The following CUL7 variants were observed in gnomAD, a reference collection of about 807,000 sequenced individuals.
CUL7 encodes cullin-7.
Under a neutral mutation model 177.7 loss-of-function variants are expected in CUL7, and 96 were observed. The observed-to-expected ratio is 0.54, with a 90% CI of 0.46 to 0.64. The LOEUF (loss-of-function observed/expected upper bound fraction) is 0.64, where lower values mean the gene tolerates loss of function less well. CUL7 is among the 30% of genes least tolerant of loss of function. The probability of loss-of-function intolerance (pLI) is 0.00; values close to 1 mark genes in which losing one functional copy is unlikely to be tolerated. For synonymous variants in CUL7, 824 were observed against 890.2 expected, an observed-to-expected ratio of 0.93 and a Z score of 1.32; for missense variants, 1,893 against 2,187.9, an observed-to-expected ratio of 0.87 and a Z score of 2.69.
At chr6:43,039,911 G>A (rs1411739263) in intron 22 of CUL7, among the ~76,000 whole-genome samples, 9 of 151,944 alleles carry the variant, frequency 5.9e-5, no homozygotes, top group Non-Finnish European at 1.3e-4. Context: ...GCTAATTTCT[G>A]TATTTTTAGC....
rs1763962983 is a variant in CUL7 at position 43,046,905 on chromosome 6, GTGA to G, written c.2369_2371del (p.Ile790del). ...CTGGATGCAGCCTCCCAGGATGTTG[GTGA>G]TGAGTTTGCGGTAGAGGTGGGCATG... is the stretch of plus-strand genomic sequence containing the variant. On this transcript the variant is annotated inframe_deletion, in exon 10 of 26. Coordinates refer to ENST00000265348, the MANE Select transcript of CUL7 (RefSeq NM_014780.5). The G allele has an allele frequency of 1.2e-6, 2 of 1,608,524 alleles. No homozygotes were observed.
At position 43,047,110 on chromosome 6, in the gene CUL7, G is replaced by C; in HGVS notation, c.2170-3C>G. The C allele has an allele frequency of 6.4e-7, 1 of 1,573,618 alleles. No individual in the cohort carries two copies. Among genetic ancestry groups the C allele is most frequent in the Non-Finnish European group, 8.7e-7 (1 of 1,143,410 alleles). ...AAGAAAATCAGTTCCTGGAGCACCT[G>C]GGTGGGGACATAAGGGAGGAGATGA... On this transcript the variant is annotated splice_polypyrimidine_tract_variant and splice_region_variant and intron_variant, in intron 9 of 25. Coordinates refer to ENST00000265348, the MANE Select transcript of CUL7 (RefSeq NM_014780.5).
chr6:43,044,943 T>G, intron 15 of CUL7, 58 bp from the exon 16 acceptor site: 1 of 1,596,092 alleles, frequency 6.3e-7, no homozygotes. Context: ...GTTATCTCAG[T>G]GTCCACCCTT....
chr6:43,040,778 G>T lies in CUL7; in HGVS notation c.3807-32C>A, dbSNP rs1320476738. 6.2e-7 allele frequency: 1 copy of T among 1,610,512 alleles called. No homozygotes were observed. Among genetic ancestry groups the T allele is most frequent in the South Asian group, 1.1e-5 (1 of 91,004 alleles). On this transcript the variant is annotated intron_variant, in intron 20 of 25. Coordinates refer to ENST00000265348, the MANE Select transcript of CUL7 (RefSeq NM_014780.5). This position sits in a 1 kb window ranked among gnomAD's most constrained non-coding sequence, Gnocchi z 4.2. ...TGCATGCAGCCCGGGCCAAGCCTCAGTGTGGGCACCAGTGTGGCCCAGCCT... is the reference window on the plus strand; with the variant it reads ...TGCATGCAGCCCGGGCCAAGCCTCATTGTGGGCACCAGTGTGGCCCAGCCT...
chr6:43,040,059 T>A lies in CUL7; in HGVS notation c.4294+97A>T. 7.0e-7 allele frequency: 1 copy of A among 1,436,460 alleles called. No individual in the cohort carries two copies. The highest frequency in any genetic ancestry group is 9.8e-7 in the Non-Finnish European group (1 of 1,020,390). The allele number at this position is 1,436,460 out of a possible 1,614,324, so 89.0% of individuals were successfully genotyped here. On this transcript the variant is annotated intron_variant, in intron 22 of 25. Transcript: ENST00000265348. The surrounding 1 kb of genome is among the most constrained non-coding windows in gnomAD (Gnocchi z 4.2). ...CAGCCAAAGACTATCTCTTTTTACA[T>A]CAAGCCTCCCAACATCAGGGTCTGC...
chr6:43,049,291 G>A (rs980949944), intron 7 of CUL7, 116 bp downstream of exon 7: 1 of 1,335,604 alleles, frequency 7.5e-7, no homozygotes, highest in Non-Finnish European at 1.1e-6. Flanking sequence ...TCTCTAAGTT[G>A]CAGCTTCTAA....
chr6:43,044,030 A>T (rs1213528444), intron 16 of CUL7, among the ~76,000 whole-genome samples: 2 of 151,884 alleles, frequency 1.3e-5, no homozygotes. Flanking sequence ...ATATAAAATT[A>T]GCCAGGTGTG....
In CUL7 at chr6:43,051,354, C is replaced by T. The variant is rs756376326; in HGVS notation, c.847G>A (p.Glu283Lys). The T allele has an allele frequency of 2.5e-6, 4 of 1,613,254 alleles. No homozygotes were observed. Among genetic ancestry groups the T allele is most frequent in the East Asian group, 4.5e-5 (2 of 44,876 alleles). Residue 283 changes from glutamate (E) to lysine (K), a missense_variant, in exon 4 of 26, where the codon GAG (glutamate) becomes AAG (lysine). This residue lies in a region of CUL7 where 653 missense variants were observed against 725.2 expected (regional missense o/e 0.90). Coordinates refer to ENST00000265348, the MANE Select transcript of CUL7 (RefSeq NM_014780.5). This position sits in a 1 kb window ranked among gnomAD's most constrained non-coding sequence, Gnocchi z 5.0. ...TGACCCCTCTCCCCACTCAACTCCT[C>T]AGGAGCAGAGGTGTTCTGGGCTCCT... ...EPGAQNTSAP[E>K]ELSGERGQLE... is the part of the protein sequence containing the mutation.
chr6:43,042,337 GTTT>G (rs990850609), intron 19 of CUL7, among the ~76,000 whole-genome samples: 1 of 151,514 alleles, frequency 6.6e-6, no homozygotes. Context: ...GGGTTTTTTT[GTTT>G]TTTTCTTTTT....
In CUL7 at chr6:43,037,949, C is replaced by T. The variant is rs1432696674; in HGVS notation, c.4836G>A (p.Lys1612=). The T allele has an allele frequency of 3.8e-6, 6 of 1,598,624 alleles. No homozygotes were observed. Among genetic ancestry groups the T allele is most frequent in the Non-Finnish European group, 2.6e-6 (3 of 1,169,752 alleles). The change falls in exon 26 of 26, where the codon AAG becomes AAA. Residue 1612 remains lysine (K), a synonymous_variant. Coordinates refer to ENST00000265348, the MANE Select transcript of CUL7 (RefSeq NM_014780.5). Reference sequence around the variant, plus strand: ...CGTCAGTGCTGCTGCATGCAGACCCCTTACCAAGGCTGCTGACCAAACCCC... The same window carrying T: ...CGTCAGTGCTGCTGCATGCAGACCCTTTACCAAGGCTGCTGACCAAACCCC... ...PPRGLVSSLG[K]GSACSSTDVL...
chr6:43,050,885 T>C lies in CUL7; in HGVS notation c.1233+83A>G. The C allele has an allele frequency of 6.5e-7, 1 of 1,544,058 alleles. No homozygotes were observed. ...AAAGCTTTCTCTTTGGGTGGCCTGC[T>C]GGAGCCCCCCCATATAGAAGTCCCA... is the stretch of plus-strand genomic sequence containing the variant. On this transcript the variant is annotated intron_variant, in intron 4 of 25. Transcript: ENST00000265348. This position sits in a 1 kb window ranked among gnomAD's most constrained non-coding sequence, Gnocchi z 4.1.
In CUL7 at chr6:43,050,367, C is replaced by A. The variant is rs886061420; in HGVS notation, c.1265G>T (p.Trp422Leu). The change falls in exon 5 of 26, where the codon TGG (tryptophan) becomes TTG (leucine). Residue 422 changes from tryptophan to leucine, a missense_variant. Physicochemically the swap from Trp to Leu is moderately conservative, Grantham distance 61 (BLOSUM62 -2). Transcript: ENST00000265348. This position sits in a 1 kb window ranked among gnomAD's most constrained non-coding sequence, Gnocchi z 4.1. ...GATCTCCAGCATGTGCCAGTGCACC[C>A]AATAGGTGCGGCCTGTTGACTCCCA... is the stretch of plus-strand genomic sequence containing the variant. ...VFWESTGRTY[W>L]VHWHMLEILG... The A allele has an allele frequency of 1.9e-6, 3 of 1,613,984 alleles. No homozygotes were observed. Among genetic ancestry groups the A allele is most frequent in the Middle Eastern group, 1.6e-4 (1 of 6,082 alleles).
In CUL7 at chr6:43,038,342, A is replaced by G; in HGVS notation, c.4698T>C (p.Leu1566=). 6.2e-7 allele frequency: 1 copy of G among 1,614,192 alleles called. No individual in the cohort carries two copies. The highest frequency in any genetic ancestry group is 8.5e-7 in the Non-Finnish European group (1 of 1,180,044). ...GGATTCGGACGATGAGGCAGTTCAGAAGATTCCGTCTCTTCTCCAAGTTCT... is the reference window on the plus strand; with the variant it reads ...GGATTCGGACGATGAGGCAGTTCAGGAGATTCCGTCTCTTCTCCAAGTTCT... ...DGQNLEKRRN[L]LNCLIVRILK... is the part of the protein sequence containing the mutation. Residue 1566 remains leucine (L), a synonymous_variant, in exon 25 of 26, where the codon CTT becomes CTC. Coordinates refer to ENST00000265348, the MANE Select transcript of CUL7 (RefSeq NM_014780.5).
chr6:43,043,592 G>C lies in CUL7; in HGVS notation c.3211C>G (p.Gln1071Glu). 1.2e-6 allele frequency: 2 copies of C among 1,613,044 alleles called. No homozygotes were observed. The highest frequency in any genetic ancestry group is 8.5e-7 in the Non-Finnish European group (1 of 1,179,494). ...ACAGCTTCCTGACACTCCAGGTACT[G>C]GTCCAGCAGCCAACCCAGGGGGCTA... Reference protein sequence around the residue: ...GISPLGWLLDQYLECQEAVFN... With the variant: ...GISPLGWLLDEYLECQEAVFN... Residue 1071 changes from glutamine to glutamate, a missense_variant, in exon 17 of 26, where the codon CAG becomes GAG. This residue lies in a region of CUL7 where 973 missense variants were observed against 1,140.9 expected (regional missense o/e 0.85). Coordinates refer to ENST00000265348, the MANE Select transcript of CUL7 (RefSeq NM_014780.5). The surrounding 1 kb of genome is among the most constrained non-coding windows in gnomAD (Gnocchi z 4.2).
At chr6:43,048,065 A>C in intron 9 of CUL7, 83 bp downstream of exon 9, 2 of 861,310 alleles carry the variant, frequency 2.3e-6, no homozygotes, top group Non-Finnish European at 3.9e-6. Flanking sequence ...CACGCCCTCC[A>C]GAGCCTTGCC....
chr6:43,051,388 A>G lies in CUL7; in HGVS notation c.813T>C (p.Ala271=). ...TSLLDQLNDS[A]AEPGAQNTSA... ...AGGTGTTCTGGGCTCCTGGCTCCGC[A>G]GCACTGTCGTTCAGCTGATCCAGGA... The change falls in exon 4 of 26, where the codon GCT becomes GCC. Residue 271 remains alanine (A), a synonymous_variant. Transcript: ENST00000265348. This position sits in a 1 kb window ranked among gnomAD's most constrained non-coding sequence, Gnocchi z 5.0. The G allele has an allele frequency of 1.9e-6, 3 of 1,614,102 alleles. No homozygotes were observed. Among genetic ancestry groups the G allele is most frequent in the Non-Finnish European group, 2.5e-6 (3 of 1,179,996 alleles).
rs893161412 is a variant in CUL7, at chr6:43,051,988, A to G, written c.580+221T>C. ...AAATTCTTCCTTTGCATAAAAAGCA[A>G]CTAATTAATATGAGGTTCTTGAAGA... On this transcript the variant is annotated intron_variant, in intron 2 of 25. Coordinates refer to ENST00000265348, the MANE Select transcript of CUL7 (RefSeq NM_014780.5). This position sits in a 1 kb window ranked among gnomAD's most constrained non-coding sequence, Gnocchi z 5.0. 1 of 953,410 alleles carries G rather than the reference A, an allele frequency of 1.0e-6. No individual in the cohort carries two copies. Among genetic ancestry groups the G allele is most frequent in the Admixed American group, 2.5e-5 (1 of 40,704 alleles). The allele number at this position is 953,410 out of a possible 1,614,324, so 59.1% of individuals were successfully genotyped here. A position where few individuals can be genotyped will look rare whatever the true frequency, so the allele number is the denominator to read the frequency against.
Position 43,042,936 on chromosome 6 carries a change from G to A in CUL7, c.3511C>T (p.Arg1171Cys), listed in dbSNP as rs531667842. The change falls in exon 19 of 26, where the codon CGC becomes TGC. Residue 1171 changes from arginine (R) to cysteine (C), a missense_variant. Around this residue, in one of 5 missense-constraint regions of CUL7, gnomAD observed 973 missense variants for 1,140.9 expected, o/e 0.85. Coordinates refer to ENST00000265348, the MANE Select transcript of CUL7 (RefSeq NM_014780.5). The part of the protein sequence containing the change: ...SSWRDDDFVP[R>C]YCEHFNILQN... ...AGAATATTAAAGTGCTCACAGTAGC[G>A]TGGCACAAAGTCATCATCCCGCCAG... 1.1e-5 allele frequency: 17 copies of A among 1,614,150 alleles called. No individual in the cohort carries two copies. The highest frequency in any genetic ancestry group is 2.2e-5 in the South Asian group (2 of 91,084).
At position 43,051,384 on chromosome 6, in the gene CUL7, C is replaced by T. The variant is rs748222596; in HGVS notation, c.817G>A (p.Glu273Lys). ...GCAGAGGTGTTCTGGGCTCCTGGCT[C>T]CGCAGCACTGTCGTTCAGCTGATCC... ...LLDQLNDSAA[E>K]PGAQNTSAPE... is the part of the protein sequence containing the mutation. The change falls in exon 4 of 26, where the codon GAG (glutamate) becomes AAG (lysine). Residue 273 changes from glutamate to lysine, a missense_variant. Transcript: ENST00000265348. This position sits in a 1 kb window ranked among gnomAD's most constrained non-coding sequence, Gnocchi z 5.0. 9 of 1,614,102 alleles carry T rather than the reference C, an allele frequency of 5.6e-6. No homozygotes were observed. In the South Asian group the frequency reaches 9.9e-5, roughly 18 times the overall value.
Sources: allele counts gnomAD v4.1 joint callset (sites outside exome capture counted in the v4.1 genomes callset), GRCh38; gene constraint gnomAD v4.1.1; regional missense constraint gnomAD v4.1.1; non-coding constraint Gnocchi (gnomAD v3.1); transcripts MANE v1.5; gene names NCBI Gene and HGNC (gene_info 2026-07-23, HGNC 2026-07-21).